Variants in KASH5 observed in about 807,000 individuals in gnomAD.
KASH5 encodes the protein KASH domain containing 5.
KASH5 carries 72 observed loss-of-function variants against 84.2 expected under a neutral mutation model. The ratio of observed to expected loss-of-function variants is 0.85; its 90% CI spans 0.71 to 1.04. The LOEUF (loss-of-function observed/expected upper bound fraction) is 1.04, where lower values mean the gene tolerates loss of function less well. Ranked by LOEUF, KASH5 falls within the 50% of genes least tolerant of loss-of-function variation. The pLI is 0.00. For missense variants in KASH5, 650 were observed against 701.0 expected (o/e 0.93, Z 0.82); for synonymous variants, 260 against 279.1 (o/e 0.93, Z 0.68).
rs560910716 is a variant in KASH5 at position 49,417,091 on chromosome 19, C to T, written c.1439+12C>T. ...AACCCTCCAGAGAGGTAATAGGACC[C>T]ACAGGGTCCAGGAGGGACACTGGGG... On this transcript the variant is annotated intron_variant, in intron 18 of 19. Coordinates refer to ENST00000447857, the MANE Select transcript of KASH5 (RefSeq NM_144688.5). The surrounding 1 kb of genome is among the most constrained non-coding windows in gnomAD (Gnocchi z 5.2). 6.2e-7 allele frequency: 1 copy of T among 1,602,898 alleles called. No homozygotes were observed. The highest frequency in any genetic ancestry group is 8.5e-7 in the Non-Finnish European group (1 of 1,175,182).
chr19:49,408,249 G>A (rs537198710), intron 12 of KASH5: 17 of 163,902 alleles, frequency 1.0e-4, no homozygotes, highest in African/African-American at 3.4e-4. Context: ...TGCGAGGCTC[G>A]TGTGGGTTCC....
intron 5 of KASH5, among the ~76,000 whole-genome samples, chr19:49,397,374 C>T (rs1007905456): frequency 2.6e-5 from 4 of 151,858 alleles, no homozygotes; most frequent in Admixed American, 2.0e-4. Flanking sequence ...GCTGAGTGGT[C>T]GGTGGGGGAT....
At chr19:49,402,837 G>A (rs1206367559) in intron 9 of KASH5, among the ~76,000 whole-genome samples, 1 of 152,164 alleles carries the variant, frequency 6.6e-6, no homozygotes, top group East Asian at 1.9e-4. Flanking sequence ...GGTCCAGAAC[G>A]CTCCAGGGAA....
intron 5 of KASH5, among the ~76,000 whole-genome samples, chr19:49,397,245 G>A (rs1221972477): frequency 6.6e-6 from 1 of 152,030 alleles, no homozygotes; most frequent in East Asian, 1.9e-4. Flanking sequence ...GAGAAAGCAA[G>A]GGCCGGGGCA....
intron 1 of KASH5, among the ~76,000 whole-genome samples, chr19:49,388,943 A>G (rs1397906347): frequency 1.3e-5 from 2 of 151,882 alleles, no homozygotes; most frequent in Non-Finnish European, 2.9e-5. Context: ...CGGACCTCAG[A>G]TTCCGTCAGA....
Position 49,399,659 on chromosome 19 carries a change from CTG to C in KASH5, c.798+155_798+156del, listed in dbSNP as rs1974299896. ...GGAATGTCCCTGAGGTTATATCACA[CTG>C]TGAGAACAGCCGTGGTTTACAAGAG... On this transcript the variant is annotated intron_variant, in intron 9 of 19. Transcript: ENST00000447857. This position sits in a 1 kb window ranked among gnomAD's most constrained non-coding sequence, Gnocchi z 4.4. 7 of 1,498,392 alleles carry C rather than the reference CTG, an allele frequency of 4.7e-6. No homozygotes were observed. The highest frequency in any genetic ancestry group is 6.2e-6 in the Non-Finnish European group (7 of 1,120,498). 92.8% of individuals were successfully genotyped at this position (1,498,392 alleles called of 1,614,324 possible).
At chr19:49,406,714 A>T (rs538073944) in intron 9 of KASH5, among the ~76,000 whole-genome samples, 172 bp from the exon 10 acceptor site, 1 of 152,186 alleles carries the variant, frequency 6.6e-6, no homozygotes, top group South Asian at 2.1e-4. Flanking sequence ...CACTCAAAGA[A>T]ATTAAAGCTG....
At chr19:49,415,123 T>C in intron 17 of KASH5, 127 bp downstream of exon 17, 1 of 953,048 alleles carries the variant, frequency 1.0e-6, no homozygotes. Context: ...GAAAAATCAT[T>C]TGGCCAAGAG....
At chr19:49,411,900 G>A (rs1974721126) in intron 15 of KASH5, among the ~76,000 whole-genome samples, 1 of 145,934 alleles carries the variant, frequency 6.9e-6, no homozygotes, top group African/African-American at 2.5e-5. Context: ...AGGATGGAAG[G>A]AGGGAGGGAG....
rs1396153569 is a variant in KASH5, at chr19:49,394,586, G to A, written c.148+6G>A. 1 of 1,605,362 alleles carries A rather than the reference G, an allele frequency of 6.2e-7. No homozygotes were observed. On this transcript the variant is annotated splice_donor_region_variant and intron_variant, in intron 3 of 19. Transcript: ENST00000447857. ...TTGTGACCCTCAGAGGACAGGTGGT[G>A]GGGGCATGAGGGGTGCTGGGGACCA...
chr19:49,395,032 T>G lies in KASH5; in HGVS notation c.149-74T>G. 1.6e-6 allele frequency: 2 copies of G among 1,215,778 alleles called. No individual in the cohort carries two copies. The highest frequency in any genetic ancestry group is 2.3e-6 in the Non-Finnish European group (2 of 887,974). 75.3% of individuals were successfully genotyped at this position (1,215,778 alleles called of 1,614,324 possible). A position where few individuals can be genotyped will look rare whatever the true frequency, so the allele number is the denominator to read the frequency against. ...ACCAGCCTAGCCAGTGACATCCTGG[T>G]CCCAAGCTGCTGCCAGTCCATACCC... On this transcript the variant is annotated intron_variant, in intron 3 of 19. Coordinates refer to ENST00000447857, the MANE Select transcript of KASH5 (RefSeq NM_144688.5). The surrounding 1 kb of genome is among the most constrained non-coding windows in gnomAD (Gnocchi z 4.4).
At position 49,398,168 on chromosome 19, in the gene KASH5, T is replaced by G; in HGVS notation, c.629+25T>G. 2.1e-6 allele frequency: 3 copies of G among 1,452,040 alleles called. No homozygotes were observed. The South Asian group carries it at 3.9e-5, about 19-fold the overall frequency. 89.9% of individuals were successfully genotyped at this position (1,452,040 alleles called of 1,614,324 possible). A position where few individuals can be genotyped will look rare whatever the true frequency, so the allele number is the denominator to read the frequency against. ...GGTGGGCTGGATGCCACACCCACCC[T>G]CCCCAGCGCCCCTGCCTCCGTCCTC... On this transcript the variant is annotated intron_variant, in intron 7 of 19. Transcript: ENST00000447857.
Position 49,390,828 on chromosome 19 carries a change from A to G in KASH5, c.-56A>G, listed in dbSNP as rs1407617667. ...GCTGGTCCTTTTCCCATCCCTCCCC[A>G]TGAAGGAGGGAGGCTGGTAGCTTTG... On this transcript the variant is annotated 5_prime_UTR_variant, in exon 2 of 20. An upstream start codon of the reference 5' UTR is lost. Transcript: ENST00000447857. 1.9e-6 allele frequency: 3 copies of G among 1,546,100 alleles called. No homozygotes were observed. Among genetic ancestry groups the G allele is most frequent in the Middle Eastern group, 1.7e-4 (1 of 5,836 alleles).
In KASH5 at chr19:49,409,238, G is replaced by A. The variant is rs759148484; in HGVS notation, c.1101G>A (p.Glu367=). 1.4e-5 allele frequency: 23 copies of A among 1,613,850 alleles called. No individual in the cohort carries two copies. Among genetic ancestry groups the A allele is most frequent in the East Asian group, 2.2e-5 (1 of 44,890 alleles). ...AGCTGAGAAGAGTGGGCTGGACCGAGCTGCTACCCCCATCGCTGGGCTTGG... is the reference window on the plus strand; with the variant it reads ...AGCTGAGAAGAGTGGGCTGGACCGAACTGCTACCCCCATCGCTGGGCTTGG... ...GAQLRRVGWT[E]LLPPSLGLEI... The change falls in exon 14 of 20, where the codon GAG becomes GAA. Residue 367 remains glutamate (E), a synonymous_variant. Coordinates refer to ENST00000447857, the MANE Select transcript of KASH5 (RefSeq NM_144688.5).
intron 9 of KASH5, among the ~76,000 whole-genome samples, chr19:49,400,154 G>A (rs1333229286): frequency 6.6e-6 from 1 of 150,826 alleles, no homozygotes; most frequent in Non-Finnish European, 1.5e-5. Flanking sequence ...CACGAGCCCG[G>A]GAGACAGAGG....
chr19:49,413,710 G>A (rs539707957), intron 16 of KASH5, among the ~76,000 whole-genome samples: 3 of 152,278 alleles, frequency 2.0e-5, no homozygotes, highest in East Asian at 1.9e-4. Context: ...GGTGCCATGC[G>A]AGTTTCCAGA....
chr19:49,409,003 C>G lies in KASH5; in HGVS notation c.1030C>G (p.Leu344Val). ...GGAGATTTCACGCCTGGAGGAGCAG[C>G]TGAGTCAGACCTATGAGGGGCCCGA... ...RLEISRLEEQ[L>V]SQTYEGPDEL... Residue 344 changes from leucine to valine, a missense_variant, in exon 13 of 20, where the codon CTG (leucine) becomes GTG (valine). Transcript: ENST00000447857. 6.3e-7 allele frequency: 1 copy of G among 1,593,260 alleles called. No individual in the cohort carries two copies. Among genetic ancestry groups the G allele is most frequent in the Non-Finnish European group, 8.5e-7 (1 of 1,170,070 alleles).
Position 49,399,190 on chromosome 19 carries a change from C to G in KASH5, c.747+48C>G, listed in dbSNP as rs1259507119. 1 of 1,478,122 alleles carries G rather than the reference C, an allele frequency of 6.8e-7. No homozygotes were observed. 91.6% of individuals were successfully genotyped at this position (1,478,122 alleles called of 1,614,324 possible). On this transcript the variant is annotated intron_variant, in intron 8 of 19. Coordinates refer to ENST00000447857, the MANE Select transcript of KASH5 (RefSeq NM_144688.5). This position sits in a 1 kb window ranked among gnomAD's most constrained non-coding sequence, Gnocchi z 4.4. ...AAGGTGCCCTCTCTCTTCTTTGTTTCCTGGAGTCAGGGCGGCAGAGTGTGA... is the reference window on the plus strand; with the variant it reads ...AAGGTGCCCTCTCTCTTCTTTGTTTGCTGGAGTCAGGGCGGCAGAGTGTGA...
intron 2 of KASH5, among the ~76,000 whole-genome samples, chr19:49,392,967 TC>T (rs137871196): frequency 0.035 from 5,176 of 149,508 alleles, 277 homozygotes; most frequent in African/African-American, 0.12. Context: ...AGCCCTGGTC[TC>T]CCCCTAACTG....
Sources: allele counts gnomAD v4.1 joint callset (sites outside exome capture counted in the v4.1 genomes callset), GRCh38; gene constraint gnomAD v4.1.1; non-coding constraint Gnocchi (gnomAD v3.1); transcripts MANE v1.5; gene names NCBI Gene and HGNC (gene_info 2026-07-23, HGNC 2026-07-21).